The following FSTL5 variants were observed in gnomAD, a reference collection of about 807,000 sequenced individuals.
FSTL5 encodes the protein follistatin like 5, also known as follistatin-related protein 5.
A neutral mutation model predicts 89.1 loss-of-function variants in FSTL5; 62 were observed. The observed-to-expected ratio is 0.70, with a 90% CI of 0.57 to 0.86. The LOEUF is 0.86. Ranked by LOEUF, FSTL5 falls within the 40% of genes least tolerant of loss-of-function variation. The pLI is 0.00. For missense variants in FSTL5, 1,057 were observed against 1,001.6 expected (o/e 1.06, Z -0.75); for synonymous variants, 383 against 346.2 (o/e 1.11, Z -1.18).
At chr4:161,956,835 T>C (rs985729400) in intron 3 of FSTL5, among the ~76,000 whole-genome samples, 6 of 152,032 alleles carry the variant, frequency 3.9e-5, no homozygotes, top group African/African-American at 1.4e-4. Context: ...AATATATTTA[T>C]TTAAAATATC....
At position 161,675,849 on chromosome 4, in the gene FSTL5, A is replaced by AT. The variant is rs1413946999; in HGVS notation, c.728-19356dup. On this transcript the variant is annotated intron_variant, in intron 6 of 15. Coordinates refer to ENST00000306100, the MANE Select transcript of FSTL5 (RefSeq NM_020116.5). ...ATCTTATATGGATAATAAAAGTCAT[A>AT]TTTTTGTAGAAAAAGAAATATTACA... Among the ~76,000 whole-genome samples, 5 of 152,086 alleles carry AT rather than the reference A, an allele frequency of 3.3e-5. No homozygotes were observed. In the East Asian group the frequency reaches 7.7e-4, roughly 23 times the overall value.
chr4:161,679,631 C>T (rs1737449380), intron 6 of FSTL5, among the ~76,000 whole-genome samples: 1 of 151,752 alleles, frequency 6.6e-6, no homozygotes, highest in South Asian at 2.1e-4. Context: ...GTGCTTGGTA[C>T]ACAGTATAAT....
At chr4:161,809,837 ATG>A (rs1560858340) in intron 4 of FSTL5, among the ~76,000 whole-genome samples, 1 of 152,214 alleles carries the variant, frequency 6.6e-6, no homozygotes, top group Non-Finnish European at 1.5e-5. Context: ...GGGGAAGAAA[ATG>A]ATAAATTAAT....
chr4:161,863,531 T>C (rs925450161), intron 4 of FSTL5, among the ~76,000 whole-genome samples: 2 of 152,136 alleles, frequency 1.3e-5, no homozygotes, highest in Non-Finnish European at 2.9e-5. Flanking sequence ...ACAGACTGGA[T>C]ATGATGCGGG....
intron 3 of FSTL5, among the ~76,000 whole-genome samples, chr4:161,939,022 TGTA>T (rs953689139): frequency 5.9e-5 from 9 of 151,972 alleles, no homozygotes; most frequent in Non-Finnish European, 2.9e-5. Context: ...TAGAAGAAAA[TGTA>T]GTCACAGAGA....
At chr4:161,958,944 C>T (rs952473244) in intron 3 of FSTL5, among the ~76,000 whole-genome samples, 3 of 152,072 alleles carry the variant, frequency 2.0e-5, no homozygotes, top group African/African-American at 7.2e-5. Context: ...TCAGTTCTAT[C>T]TCTTCAATTC....
At chr4:161,772,438 C>T (rs1157311468) in intron 5 of FSTL5, among the ~76,000 whole-genome samples, 3 of 151,872 alleles carry the variant, frequency 2.0e-5, no homozygotes, top group Non-Finnish European at 4.4e-5. Context: ...TGACTGTATA[C>T]CTACAAAACT....
chr4:162,075,748 T>C (rs2111320891), intron 2 of FSTL5, among the ~76,000 whole-genome samples: 1 of 151,950 alleles, frequency 6.6e-6, no homozygotes, highest in East Asian at 1.9e-4. Flanking sequence ...ACCAAGGCAG[T>C]GAAGAGACAC....
intron 2 of FSTL5, among the ~76,000 whole-genome samples, chr4:162,104,905 A>C (rs1247196985): frequency 6.6e-6 from 1 of 152,204 alleles, no homozygotes; most frequent in Non-Finnish European, 1.5e-5. Flanking sequence ...AGAGGACCTC[A>C]GGAAAAAAAC....
At chr4:161,941,217 C>T (rs1734572423) in intron 3 of FSTL5, among the ~76,000 whole-genome samples, 1 of 151,290 alleles carries the variant, frequency 6.6e-6, no homozygotes, top group Non-Finnish European at 1.5e-5. Flanking sequence ...TAATTGAACA[C>T]AAAATAAGGC....
chr4:162,108,859 T>C (rs935004723), intron 2 of FSTL5, among the ~76,000 whole-genome samples: 9 of 151,948 alleles, frequency 5.9e-5, no homozygotes, highest in African/African-American at 2.4e-5. Flanking sequence ...ATAAAGTCAT[T>C]TGTTCGCCAT....
At chr4:161,730,840 T>C (rs1218235671) in intron 6 of FSTL5, among the ~76,000 whole-genome samples, 1 of 152,170 alleles carries the variant, frequency 6.6e-6, no homozygotes, top group Non-Finnish European at 1.5e-5. Context: ...AAGTATCTCA[T>C]GAATGCTAAG....
intron 2 of FSTL5, chr4:162,047,448 T>A (rs551423916): frequency 6.6e-6 from 1 of 152,104 alleles, no homozygotes; most frequent in Non-Finnish European, 1.5e-5. Context: ...CTCCAGGGGA[T>A]GACGGTTGTG....
intron 5 of FSTL5, among the ~76,000 whole-genome samples, chr4:161,765,122 T>G (rs1050928738): frequency 3.9e-5 from 6 of 152,222 alleles, no homozygotes; most frequent in African/African-American, 1.4e-4. Context: ...AATGTCATTC[T>G]AAGTCAAACA....
At chr4:162,039,835 C>T (rs1368130836) in intron 2 of FSTL5, among the ~76,000 whole-genome samples, 2 of 151,908 alleles carry the variant, frequency 1.3e-5, no homozygotes, top group Non-Finnish European at 2.9e-5. Flanking sequence ...TATGTTCTAG[C>T]TAAAGTAATA....
chr4:161,938,897 G>T (rs1163463409), intron 3 of FSTL5, among the ~76,000 whole-genome samples: 1 of 151,702 alleles, frequency 6.6e-6, no homozygotes, highest in South Asian at 2.1e-4. Context: ...GGTGACATAA[G>T]GCACGGAACA....
chr4:161,633,914 A>AC, intron 7 of FSTL5, among the ~76,000 whole-genome samples: 1 of 152,202 alleles, frequency 6.6e-6, no homozygotes, highest in Non-Finnish European at 1.5e-5. Context: ...TGTTAAAGTA[A>AC]GTTTGTTATG....
At chr4:161,965,132 T>G (rs2110991771) in intron 3 of FSTL5, among the ~76,000 whole-genome samples, 1 of 152,290 alleles carries the variant, frequency 6.6e-6, no homozygotes, top group East Asian at 1.9e-4. Context: ...TTCATGTGAA[T>G]ACTGAAGTTT....
chr4:162,091,467 T>C (rs1368162319), intron 2 of FSTL5, among the ~76,000 whole-genome samples: 1 of 152,160 alleles, frequency 6.6e-6, no homozygotes, highest in African/African-American at 2.4e-5. Flanking sequence ...AACAAGTGTC[T>C]GGGGTTTTGG....
Sources: gnomAD v4.1 joint callset for allele counts (sites outside exome capture counted in the v4.1 genomes callset) on GRCh38, gnomAD v4.1.1 for gene constraint, MANE v1.5 for transcripts, NCBI Gene and HGNC (gene_info 2026-07-23, HGNC 2026-07-21) for gene names.